Variants in NDE1 observed in about 807,000 individuals in gnomAD.
NDE1 encodes the protein nuclear distribution protein nudE homolog 1.
NDE1 carries 28 observed loss-of-function variants against 43.4 expected under a neutral mutation model. That is an observed-to-expected ratio of 0.65 (90% CI 0.48 to 0.89). NDE1 has a LOEUF of 0.89. NDE1 is among the 40% of genes least tolerant of loss of function. The pLI is 0.00. For missense variants in NDE1, 441 were observed against 434.1 expected (o/e 1.02, Z -0.14); for synonymous variants, 184 against 172.0 (o/e 1.07, Z -0.55).
chr16:15,718,247 A>T, intron 8 of NDE1: 1 of 1,601,666 alleles, frequency 6.2e-7, no homozygotes, highest in Admixed American at 1.7e-5. Flanking sequence ...GCGTGTGTTG[A>T]CTGGTGCAGG....
chr16:15,713,322 C>T (rs1182703411), intron 8 of NDE1: 1 of 152,088 alleles, frequency 6.6e-6, no homozygotes, highest in Non-Finnish European at 1.5e-5. Context: ...GTGCACGTTT[C>T]ATGATCATTT....
At chr16:15,704,395 CT>C (rs1426398209) in intron 8 of NDE1, among the ~76,000 whole-genome samples, 3 of 151,952 alleles carry the variant, frequency 2.0e-5, no homozygotes, top group African/African-American at 7.3e-5. Flanking sequence ...AGACGATCTG[CT>C]TTTCAATATG....
In NDE1 at chr16:15,676,874, C is replaced by G. The variant is rs1046964326; in HGVS notation, c.238-927C>G. ...GCCAGGTCTCACTCTGTGAGCCGGG[C>G]TGGTGACTCTCTTTGTAATACACTG... On this transcript the variant is annotated intron_variant, in intron 3 of 8. Transcript: ENST00000396354. Among the ~76,000 whole-genome samples the G allele has an allele frequency of 2.6e-5, 4 of 152,126 alleles. 1 individual carries two copies. Among genetic ancestry groups the G allele is most frequent in the African/African-American group, 4.8e-5 (2 of 41,422 alleles).
At chr16:15,707,609 C>G (rs2039525172) in intron 8 of NDE1, among the ~76,000 whole-genome samples, 1 of 152,224 alleles carries the variant, frequency 6.6e-6, no homozygotes, top group African/African-American at 2.4e-5. Flanking sequence ...AGCTGAGATT[C>G]TCCAAAAATG....
chr16:15,687,056 A>G, intron 4 of NDE1: 1 of 1,226,618 alleles, frequency 8.2e-7, no homozygotes. Context: ...GATGGAGCAT[A>G]GTGGTCTTCT....
At chr16:15,697,435 G>T (rs576934898) in intron 8 of NDE1, among the ~76,000 whole-genome samples, 1 of 152,256 alleles carries the variant, frequency 6.6e-6, no homozygotes, top group South Asian at 2.1e-4. Flanking sequence ...TGGGCCAGGT[G>T]TGGTGACGCT....
intron 1 of NDE1, among the ~76,000 whole-genome samples, chr16:15,656,321 A>T (rs1442354956): frequency 6.6e-6 from 1 of 151,890 alleles, no homozygotes. Flanking sequence ...GCAGGCTGTG[A>T]TACAAATCCA....
chr16:15,662,721 C>T (rs2037111380), intron 1 of NDE1, among the ~76,000 whole-genome samples: 1 of 152,116 alleles, frequency 6.6e-6, no homozygotes, highest in African/African-American at 2.4e-5. Context: ...GGAACACAGG[C>T]ATGTGCCACC....
intron 1 of NDE1, among the ~76,000 whole-genome samples, chr16:15,657,102 G>GTT (rs542672912): frequency 7.0e-6 from 1 of 142,248 alleles, no homozygotes; most frequent in Admixed American, 7.1e-5. Context: ...GTCTTTTTTT[G>GTT]TTTTTTTTTT....
At chr16:15,660,961 C>G (rs1448962102) in intron 1 of NDE1, among the ~76,000 whole-genome samples, 2 of 152,088 alleles carry the variant, frequency 1.3e-5, no homozygotes, top group Non-Finnish European at 2.9e-5. Context: ...GGCGATTCTT[C>G]CATGGTCACG....
chr16:15,704,247 G>T, intron 8 of NDE1: 1 of 1,064,604 alleles, frequency 9.4e-7, no homozygotes, highest in South Asian at 1.4e-5. Context: ...TTTTATGGCA[G>T]AAAACACACA....
At chr16:15,714,621 G>A (rs1596694369) in intron 8 of NDE1, 2 of 555,558 alleles carry the variant, frequency 3.6e-6, no homozygotes, top group East Asian at 6.2e-5. Context: ...GGCTGGAGGA[G>A]ACAGTGGGGA....
rs1351193929 is a variant in NDE1, at chr16:15,696,851, G to A, written c.938G>A (p.Gly313Asp). 3 of 1,614,138 alleles carry A rather than the reference G, an allele frequency of 1.9e-6. No individual in the cohort carries two copies. In the East Asian group the frequency reaches 6.7e-5, roughly 36 times the overall value. Residue 313 changes from glycine to aspartate, a missense_variant, in exon 8 of 9, where the codon GGT becomes GAT. Gly to Asp is a moderately conservative substitution (Grantham distance 94). Transcript: ENST00000396354. ...CCAAGCAGCACCAGCGTGCCTTTGG[G>A]TGATAAGGGGTCAGTACCTTCTAAT... Reference protein sequence around the residue: ...RRPSSTSVPLGDKGLDTSCRW... With the variant: ...RRPSSTSVPLDDKGLDTSCRW...
Position 15,721,042 on chromosome 16 carries a change from G to T in NDE1, c.948-3149G>T. On this transcript the variant is annotated intron_variant, in intron 8 of 8. Coordinates refer to ENST00000396354, the MANE Select transcript of NDE1 (RefSeq NM_017668.3). ...TCCAGGGCCCGCTTGGACTTCTCCA[G>T]CTCATGGACCTGCCGGCAGAGCGGG... 6.2e-7 allele frequency: 1 copy of T among 1,613,890 alleles called. No homozygotes were observed. The highest frequency in any genetic ancestry group is 8.5e-7 in the Non-Finnish European group (1 of 1,180,008).
chr16:15,691,551 G>A (rs1016014611), intron 6 of NDE1, among the ~76,000 whole-genome samples: 13 of 152,024 alleles, frequency 8.6e-5, no homozygotes, highest in Non-Finnish European at 8.8e-5. Context: ...ACCCCACCCA[G>A]AGCGGGTGGC....
At chr16:15,694,324 A>G in intron 7 of NDE1, 68 bp downstream of exon 7, 1 of 1,584,112 alleles carries the variant, frequency 6.3e-7, no homozygotes, top group Non-Finnish European at 8.6e-7. Flanking sequence ...AAGGGGGTTG[A>G]TCTAGTTCCT....
chr16:15,701,810 T>C (rs1056907777), intron 8 of NDE1: 1 of 152,186 alleles, frequency 6.6e-6, no homozygotes, highest in African/African-American at 2.4e-5. Context: ...CCGCAGAGAA[T>C]TACGCTGCGA....
chr16:15,689,104 C>T (rs561554215), intron 5 of NDE1, among the ~76,000 whole-genome samples: 2 of 152,146 alleles, frequency 1.3e-5, no homozygotes, highest in South Asian at 2.1e-4. Context: ...CCTAGATGTC[C>T]ATCAGTAATG....
intron 8 of NDE1, chr16:15,721,348 C>T: frequency 6.0e-6 from 9 of 1,508,364 alleles, no homozygotes; most frequent in East Asian, 2.3e-5. Flanking sequence ...GAGCTAGCCT[C>T]GCATGGACTG....
Sources: allele counts gnomAD v4.1 joint callset (sites outside exome capture counted in the v4.1 genomes callset), GRCh38; gene constraint gnomAD v4.1.1; transcripts MANE v1.5; gene names NCBI Gene and HGNC (gene_info 2026-07-23, HGNC 2026-07-21).